The following MON2 variants were observed in gnomAD, a reference collection of about 807,000 sequenced individuals.
MON2 encodes MON2 regulator of endosome-to-Golgi trafficking, also known as protein MON2 homolog.
In MON2, 84 loss-of-function variants were observed where a neutral mutation model predicts 208.6. That is an observed-to-expected ratio of 0.40 (90% confidence interval 0.34 to 0.48). The LOEUF (loss-of-function observed/expected upper bound fraction) is 0.48. Ranked by LOEUF, MON2 falls within the 20% of genes least tolerant of loss-of-function variation. MON2 has a pLI of 0.59. For missense variants in MON2, 1,611 were observed against 2,015.4 expected, an observed-to-expected ratio of 0.80 and a Z score of 3.84; for synonymous variants, 660 against 694.0, an observed-to-expected ratio of 0.95 and a Z score of 0.77.
chr12:62,493,784 T>G, intron 2 of MON2, 131 bp from the exon 3 acceptor site: 1 of 596,322 alleles, frequency 1.7e-6, no homozygotes, highest in South Asian at 3.5e-5. Flanking sequence ...TACTTGATTT[T>G]TGTTTTGGTG....
intron 1 of MON2, among the ~76,000 whole-genome samples, chr12:62,472,410 C>G (rs552507671): frequency 7.9e-5 from 12 of 152,166 alleles, no homozygotes; most frequent in African/African-American, 2.9e-4. Flanking sequence ...GGATAGATTC[C>G]TTTTCTCTCT....
intron 2 of MON2, among the ~76,000 whole-genome samples, chr12:62,485,186 C>G (rs184811618): frequency 6.6e-6 from 1 of 152,288 alleles, no homozygotes; most frequent in African/African-American, 2.4e-5. Flanking sequence ...CCAAGTATTA[C>G]ATATGTAACC....
intron 4 of MON2, among the ~76,000 whole-genome samples, chr12:62,496,457 G>A (rs1290378372): frequency 6.6e-6 from 1 of 152,132 alleles, no homozygotes; most frequent in Non-Finnish European, 1.5e-5. Context: ...ACTATGTACT[G>A]TGTCTTTCCT....
chr12:62,572,294 A>T (rs1205311432), intron 30 of MON2, among the ~76,000 whole-genome samples: 4 of 152,228 alleles, frequency 2.6e-5, no homozygotes. Flanking sequence ...GGTAGAGCAG[A>T]TTATTGGACA....
At chr12:62,550,297 AG>A (rs1336313478) in intron 23 of MON2, among the ~76,000 whole-genome samples, 1 of 152,106 alleles carries the variant, frequency 6.6e-6, no homozygotes, top group Non-Finnish European at 1.5e-5. Flanking sequence ...TGGGAGGCTG[AG>A]GTGGGAGGAT....
chr12:62,571,463 T>C lies in MON2; in HGVS notation c.4395T>C (p.Ser1465=). The C allele has an allele frequency of 1.9e-6, 3 of 1,613,374 alleles. No homozygotes were observed. The highest frequency in any genetic ancestry group is 2.5e-6 in the Non-Finnish European group (3 of 1,179,322). Residue 1465 remains serine, a synonymous_variant, in exon 30 of 35, where the codon TCT becomes TCC. Coordinates refer to ENST00000393630, the MANE Select transcript of MON2 (RefSeq NM_015026.3). ...GCACATGGAAACTAGCAGTATCCTCTCTCCTCAGAGTTCTTTCTATTGGGC... is the reference window on the plus strand; with the variant it reads ...GCACATGGAAACTAGCAGTATCCTCCCTCCTCAGAGTTCTTTCTATTGGGC... The part of the protein sequence containing the change: ...SESTWKLAVS[S]LLRVLSIGLP...
At chr12:62,525,449 A>G (rs1592955800) in intron 10 of MON2, among the ~76,000 whole-genome samples, 1 of 152,216 alleles carries the variant, frequency 6.6e-6, no homozygotes, top group Non-Finnish European at 1.5e-5. Context: ...CTCTGATCAC[A>G]TAAGAACAAA....
intron 16 of MON2, 50 bp downstream of exon 16, chr12:62,537,756 T>C (rs368769452): frequency 7.4e-7 from 1 of 1,342,850 alleles, no homozygotes; most frequent in East Asian, 2.3e-5. Context: ...TATATATAAT[T>C]GCTAACAGTT....
chr12:62,504,035 G>C (rs1007003771), intron 7 of MON2, among the ~76,000 whole-genome samples: 1 of 151,786 alleles, frequency 6.6e-6, no homozygotes, highest in African/African-American at 2.4e-5. Flanking sequence ...TTCCCTACAA[G>C]AAGATAAACT....
chr12:62,538,036 T>C (rs1479057667), intron 16 of MON2, 60 bp from the exon 17 acceptor site: 1 of 1,444,714 alleles, frequency 6.9e-7, no homozygotes, highest in Admixed American at 2.1e-5. Context: ...TTAATTTTAG[T>C]TATTGGACCT....
At chr12:62,504,528 T>G (rs1307695702) in intron 7 of MON2, among the ~76,000 whole-genome samples, 1 of 152,190 alleles carries the variant, frequency 6.6e-6, no homozygotes, top group Non-Finnish European at 1.5e-5. Flanking sequence ...ATTACAGGCG[T>G]GGGCCACCGC....
intron 1 of MON2, among the ~76,000 whole-genome samples, chr12:62,473,630 G>T (rs1233208085): frequency 2.0e-5 from 3 of 151,980 alleles, no homozygotes; most frequent in African/African-American, 7.3e-5. Context: ...GAGTGCAGTG[G>T]GCTATCTTGG....
At chr12:62,578,418 T>TAA in intron 30 of MON2, 27 bp from the exon 31 acceptor site, 1 of 1,323,012 alleles carries the variant, frequency 7.6e-7, no homozygotes, top group Non-Finnish European at 1.0e-6. Flanking sequence ...ATTTTATCTT[T>TAA]AAAAATCAAG....
intron 7 of MON2, among the ~76,000 whole-genome samples, chr12:62,502,547 G>T (rs2070897512): frequency 1.3e-5 from 2 of 152,006 alleles, no homozygotes; most frequent in African/African-American, 4.8e-5. Context: ...AATCTCTAGA[G>T]ACAATCTATT....
chr12:62,535,968 T>C (rs1407872753), intron 14 of MON2, among the ~76,000 whole-genome samples: 2 of 151,972 alleles, frequency 1.3e-5, no homozygotes, highest in Non-Finnish European at 2.9e-5. Flanking sequence ...GAAAGGCTCA[T>C]TGGATAAGTA....
intron 25 of MON2, among the ~76,000 whole-genome samples, chr12:62,556,628 T>A (rs575127524): frequency 1.3e-5 from 2 of 151,938 alleles, no homozygotes; most frequent in African/African-American, 4.8e-5. Flanking sequence ...AATGAGAGAA[T>A]GTAAAAGAGA....
intron 1 of MON2, among the ~76,000 whole-genome samples, chr12:62,470,014 C>T (rs919525809): frequency 6.6e-6 from 1 of 151,880 alleles, no homozygotes; most frequent in Non-Finnish European, 1.5e-5. Context: ...AAGTGATTCT[C>T]CCACCTCAAC....
At chr12:62,541,760 A>G (rs2073252910) in intron 19 of MON2, among the ~76,000 whole-genome samples, 1 of 152,200 alleles carries the variant, frequency 6.6e-6, no homozygotes, top group South Asian at 2.1e-4. Context: ...TGCGAGGGCC[A>G]CATTCTAGGT....
In MON2 at chr12:62,600,343, T is replaced by C. The variant is rs140299000; in HGVS notation, c.*7594T>C. 7 of 152,356 alleles carry C rather than the reference T, an allele frequency of 4.6e-5. No homozygotes were observed. Among genetic ancestry groups the C allele is most frequent in the African/African-American group, 1.7e-4 (7 of 41,578 alleles). The allele number at this position is 152,356 out of a possible 1,614,324, so 9.4% of individuals were successfully genotyped here. ...ATGTTAAGAATCTACTGTGTGCTAATAACTGTGTCCTTGCTGTATGACAGA... is the reference window on the plus strand; with the variant it reads ...ATGTTAAGAATCTACTGTGTGCTAACAACTGTGTCCTTGCTGTATGACAGA... On this transcript the variant is annotated 3_prime_UTR_variant, in exon 35 of 35. Transcript: ENST00000393630.
Sources: allele counts gnomAD v4.1 joint callset (sites outside exome capture counted in the v4.1 genomes callset), GRCh38; gene constraint gnomAD v4.1.1; transcripts MANE v1.5; gene names NCBI Gene and HGNC (gene_info 2026-07-23, HGNC 2026-07-21).